ZC3H12B: variants seen among roughly 807,000 people sequenced by gnomAD.
ZC3H12B encodes probable ribonuclease ZC3H12B.
ZC3H12B carries 7 observed loss-of-function variants against 43.9 expected under a neutral mutation model. The ratio of observed to expected loss-of-function variants is 0.16; its 90% confidence interval spans 0.09 to 0.30. The LOEUF (loss-of-function observed/expected upper bound fraction) is 0.30. Ranked by LOEUF, ZC3H12B falls within the 10% of genes least tolerant of loss-of-function variation. The pLI is 1.00. For synonymous variants in ZC3H12B, 222 were observed against 241.7 expected (o/e 0.92, Z 0.76); for missense variants, 475 against 670.2 (o/e 0.71, Z 3.22).
chrX:65,328,302 G>A, the ZC3H12B span: 1 of 251,306 alleles, frequency 4.0e-6, no homozygotes, highest in Non-Finnish European at 7.9e-6. Flanking sequence ...TTTTATCCCT[G>A]GCATAACTTC....
At chrX:65,423,308 C>T (rs1191519965) in intron 3 of ZC3H12B, among the ~76,000 whole-genome samples, 1 of 111,884 alleles carries the variant, frequency 8.9e-6, no homozygotes, top group Non-Finnish European at 1.9e-5. Flanking sequence ...GTGAATAGTG[C>T]TGCAATAAAC....
At chrX:65,503,353 A>T (rs1013892478) in exon 5 of ZC3H12B, 7 of 514,232 alleles carry the variant, frequency 1.4e-5, no homozygotes, top group Non-Finnish European at 2.1e-5. Context: ...CAACCCTGTG[A>T]GGTACGTCTT....
rs770177326 is a variant in ZC3H12B, at chrX:65,447,653, A to G, written n.408-40993A>G. Reference sequence around the variant, plus strand: ...AAAGAATCATCAGAGTAAACAAACAACTCACAGAATGGGAGAAAATATTTG... The same window carrying G: ...AAAGAATCATCAGAGTAAACAAACAGCTCACAGAATGGGAGAAAATATTTG... On this transcript the variant is annotated intron_variant and non_coding_transcript_variant, in intron 3 of 5. Coordinates refer to the ZC3H12B transcript ENST00000617377. 2.1e-3 allele frequency among the ~76,000 whole-genome samples: 238 copies of G among 112,065 alleles called. 2 individuals carry two copies. The highest frequency in any genetic ancestry group is 1.5e-3 in the South Asian group (4 of 2,723).
At chrX:65,193,753 T>C in the ZC3H12B span, among the ~76,000 whole-genome samples, 5 of 112,307 alleles carry the variant, frequency 4.5e-5, no homozygotes, top group African/African-American at 1.6e-4. Context: ...CTTTTTGGTG[T>C]AGGAATTTTT....
the ZC3H12B span, among the ~76,000 whole-genome samples, chrX:65,112,076 A>G: frequency 8.9e-6 from 1 of 112,294 alleles, no homozygotes. Context: ...TAAAAGTGCT[A>G]CTCCAGTAAA....
chrX:65,390,084 G>C (rs991374333), intron 2 of ZC3H12B, among the ~76,000 whole-genome samples: 5 of 111,929 alleles, frequency 4.5e-5, no homozygotes, highest in Admixed American at 9.5e-5. Context: ...CCATAAAAAA[G>C]GATGAGTTCA....
the ZC3H12B span, among the ~76,000 whole-genome samples, chrX:65,310,944 T>C: frequency 1.8e-5 from 2 of 112,383 alleles, no homozygotes; most frequent in Non-Finnish European, 3.8e-5. Flanking sequence ...GCTAGCCATA[T>C]GTAGAAAGCT....
chrX:65,204,475 T>C, the ZC3H12B span, among the ~76,000 whole-genome samples: 4 of 112,239 alleles, frequency 3.6e-5, no homozygotes, highest in East Asian at 1.1e-3. Context: ...TTAGTATCTA[T>C]TATAAAATAA....
chrX:65,323,420 A>T, the ZC3H12B span, among the ~76,000 whole-genome samples: 1 of 111,626 alleles, frequency 9.0e-6, no homozygotes, highest in South Asian at 3.7e-4. Context: ...TTCAACTCCC[A>T]CTTATGAGTG....
the ZC3H12B span, among the ~76,000 whole-genome samples, chrX:65,239,807 G>A: frequency 8.9e-6 from 1 of 111,779 alleles, no homozygotes; most frequent in Non-Finnish European, 1.9e-5. Context: ...TGTCTTCAAG[G>A]GATCTTATTT....
chrX:65,355,691 G>A, the ZC3H12B span, among the ~76,000 whole-genome samples: 1 of 111,709 alleles, frequency 9.0e-6, no homozygotes, highest in Non-Finnish European at 1.9e-5. Context: ...AACAATTTTT[G>A]GTCAGGCATG....
intron 3 of ZC3H12B, among the ~76,000 whole-genome samples, chrX:65,400,083 A>G (rs1049953558): frequency 9.0e-6 from 1 of 111,623 alleles, no homozygotes; most frequent in Non-Finnish European, 1.9e-5. Context: ...GTACAAAAAA[A>G]TAGAAAGAAT....
chrX:65,473,227 G>A (rs2067951077), intron 3 of ZC3H12B, among the ~76,000 whole-genome samples: 2 of 107,765 alleles, frequency 1.9e-5, no homozygotes, highest in Admixed American at 1.0e-4. Flanking sequence ...TGTTGGCCAG[G>A]CTGGTCTTGA....
chrX:65,370,318 A>T (rs997506470), intron 2 of ZC3H12B, among the ~76,000 whole-genome samples: 2 of 111,168 alleles, frequency 1.8e-5, no homozygotes, highest in Non-Finnish European at 3.8e-5. Flanking sequence ...ATCTAGGTTG[A>T]ACTCTTAGTT....
At chrX:65,188,293 A>T in the ZC3H12B span, among the ~76,000 whole-genome samples, 2 of 109,590 alleles carry the variant, frequency 1.8e-5, no homozygotes, top group African/African-American at 3.3e-5. Context: ...TCTTTTCAAT[A>T]TACTGATTTC....
At chrX:65,121,269 C>T in the ZC3H12B span, among the ~76,000 whole-genome samples, 1 of 111,400 alleles carries the variant, frequency 9.0e-6, no homozygotes, top group Admixed American at 9.5e-5. Context: ...GGCTGTGAAT[C>T]CGTCTGGTCC....
the ZC3H12B span, among the ~76,000 whole-genome samples, chrX:65,114,746 T>C: frequency 1.8e-5 from 2 of 110,378 alleles, no homozygotes; most frequent in African/African-American, 3.3e-5. Flanking sequence ...CATTGATTTA[T>C]CTGATTTTAT....
At chrX:65,146,391 T>C in the ZC3H12B span, among the ~76,000 whole-genome samples, 17 of 112,153 alleles carry the variant, frequency 1.5e-4, 1 homozygote, top group South Asian at 5.6e-3. Flanking sequence ...TTTTCTTACA[T>C]TGGGCTTCAC....
At chrX:65,227,453 T>A in the ZC3H12B span, among the ~76,000 whole-genome samples, 6 of 110,570 alleles carry the variant, frequency 5.4e-5, no homozygotes, top group African/African-American at 9.9e-5. Flanking sequence ...ATTGACACCC[T>A]AACATCACAA....
Sources: gnomAD v4.1 joint callset for allele counts (sites outside exome capture counted in the v4.1 genomes callset) on GRCh38, gnomAD v4.1.1 for gene constraint, MANE v1.5 for transcripts, NCBI Gene and HGNC (gene_info 2026-07-23, HGNC 2026-07-21) for gene names.